The following TMEM178B variants were observed in gnomAD, a reference collection of about 807,000 sequenced individuals.
TMEM178B encodes transmembrane protein 178B.
TMEM178B carries 5 observed loss-of-function variants against 31.0 expected under a neutral mutation model. The observed-to-expected ratio is 0.16, with a 90% CI of 0.08 to 0.34. The LOEUF is 0.34. TMEM178B is among the 10% of genes least tolerant of loss of function. The pLI is 1.00. For missense variants in TMEM178B, 275 were observed against 400.3 expected, an observed-to-expected ratio of 0.69 and a Z score of 2.67; for synonymous variants, 164 against 164.0, an observed-to-expected ratio of 1.00 and a Z score of 0.00.
At chr7:141,197,162 A>C (rs1453967579) in intron 1 of TMEM178B, among the ~76,000 whole-genome samples, 6 of 152,266 alleles carry the variant, frequency 3.9e-5, no homozygotes, top group Non-Finnish European at 8.8e-5. Context: ...TGCTTATGAC[A>C]TACCAGGCAC....
At chr7:141,176,125 A>G (rs981453613) in intron 1 of TMEM178B, among the ~76,000 whole-genome samples, 6 of 152,202 alleles carry the variant, frequency 3.9e-5, no homozygotes, top group African/African-American at 1.2e-4. Flanking sequence ...ATTTTGAGAT[A>G]TGTTCCATCA....
chr7:141,361,262 T>C (rs1008072061), intron 2 of TMEM178B, among the ~76,000 whole-genome samples: 3 of 152,096 alleles, frequency 2.0e-5, no homozygotes, highest in African/African-American at 7.2e-5. Context: ...CCATTTGTCT[T>C]CACCATCCCT....
chr7:141,074,387 T>C lies in TMEM178B; in HGVS notation c.77T>C (p.Ile26Thr). Residue 26 changes from isoleucine (I) to threonine (T), a missense_variant, in exon 1 of 4, where the codon ATC (isoleucine) becomes ACC (threonine). Coordinates refer to ENST00000565468, the MANE Select transcript of TMEM178B (RefSeq NM_001195278.2). The surrounding 1 kb of genome is among the most constrained non-coding windows in gnomAD (Gnocchi z 5.1). The part of the protein sequence containing the change: ...LCALGMLAVA[I>T]CSDHWYETDA... ...GCCCTCGGCATGCTGGCCGTGGCCA[T>C]CTGCTCGGACCACTGGTACGAGACG... 1 of 1,536,142 alleles carries C rather than the reference T, an allele frequency of 6.5e-7. No homozygotes were observed. The highest frequency in any genetic ancestry group is 1.2e-5 in the South Asian group (1 of 84,070).
chr7:141,345,196 C>A (rs1268501597), intron 2 of TMEM178B, among the ~76,000 whole-genome samples: 1 of 152,136 alleles, frequency 6.6e-6, no homozygotes, highest in Admixed American at 6.5e-5. Flanking sequence ...ACGTTTTAAC[C>A]TAACCCTAGT....
chr7:141,100,958 A>G (rs181117464), intron 1 of TMEM178B, among the ~76,000 whole-genome samples: 8 of 152,354 alleles, frequency 5.3e-5, no homozygotes, highest in Admixed American at 3.9e-4. Context: ...TTCTGTAAAG[A>G]AACAGATGCC....
intron 1 of TMEM178B, among the ~76,000 whole-genome samples, chr7:141,202,213 A>G (rs1235426021): frequency 6.6e-6 from 1 of 152,248 alleles, no homozygotes; most frequent in Admixed American, 6.5e-5. Flanking sequence ...CATTTTGACC[A>G]TCAGGACCAC....
chr7:141,262,898 A>G (rs1296599150), intron 2 of TMEM178B, among the ~76,000 whole-genome samples: 1 of 152,184 alleles, frequency 6.6e-6, no homozygotes, highest in Non-Finnish European at 1.5e-5. Flanking sequence ...TTCAGACCCA[A>G]TATAGCATTC....
chr7:141,169,126 C>T (rs372184164), intron 1 of TMEM178B, among the ~76,000 whole-genome samples: 1 of 152,140 alleles, frequency 6.6e-6, no homozygotes, highest in East Asian at 1.9e-4. Context: ...GTTGGTTGTA[C>T]AGATTATTTT....
intron 3 of TMEM178B, among the ~76,000 whole-genome samples, chr7:141,459,285 C>T (rs1015045311): frequency 1.3e-5 from 2 of 152,188 alleles, no homozygotes; most frequent in African/African-American, 4.8e-5. Context: ...GCCTCGGCCT[C>T]CCAAAGTGCT....
the TMEM178B span, among the ~76,000 whole-genome samples, chr7:141,500,598 T>A: frequency 6.6e-6 from 1 of 152,158 alleles, no homozygotes; most frequent in African/African-American, 2.4e-5. Context: ...GGCCGTGTAG[T>A]CCTACGGAAT....
chr7:141,239,650 AG>A (rs995347455), intron 2 of TMEM178B, among the ~76,000 whole-genome samples: 25 of 152,244 alleles, frequency 1.6e-4, no homozygotes, highest in African/African-American at 5.8e-4. Context: ...CACCCACCAC[AG>A]GGGGTGATGA....
intron 1 of TMEM178B, among the ~76,000 whole-genome samples, chr7:141,212,148 G>A (rs1375406295): frequency 2.6e-5 from 4 of 152,080 alleles, no homozygotes; most frequent in African/African-American, 9.7e-5. Flanking sequence ...GAGGATGGAG[G>A]CCCCCACCCA....
intron 2 of TMEM178B, among the ~76,000 whole-genome samples, chr7:141,336,625 A>G (rs1382465581): frequency 6.6e-6 from 1 of 152,020 alleles, no homozygotes; most frequent in East Asian, 1.9e-4. Context: ...GGATGATATC[A>G]ATAGGACGCT....
At chr7:141,291,442 C>T (rs1017330478) in intron 2 of TMEM178B, among the ~76,000 whole-genome samples, 19 of 152,090 alleles carry the variant, frequency 1.2e-4, no homozygotes, top group Non-Finnish European at 7.3e-5. Flanking sequence ...TGGGCAGTAG[C>T]GCGAGGAGTG....
chr7:141,260,425 A>AT (rs1359007919), intron 2 of TMEM178B, among the ~76,000 whole-genome samples: 8 of 151,584 alleles, frequency 5.3e-5, no homozygotes, highest in South Asian at 4.2e-4. Context: ...TTTTTTGACC[A>AT]TTTTTTCCCC....
chr7:141,447,872 G>A (rs1245910372), intron 3 of TMEM178B, among the ~76,000 whole-genome samples: 3 of 152,112 alleles, frequency 2.0e-5, no homozygotes, highest in African/African-American at 4.8e-5. Context: ...TTTCAGGACA[G>A]CAACAGTAGA....
At chr7:141,165,164 A>G (rs1458096241) in intron 1 of TMEM178B, among the ~76,000 whole-genome samples, 1 of 122,046 alleles carries the variant, frequency 8.2e-6, no homozygotes, top group Non-Finnish European at 1.7e-5. Flanking sequence ...TATTTATTAG[A>G]ATTTTGCTTA....
chr7:141,152,755 T>A (rs1280831975), intron 1 of TMEM178B, among the ~76,000 whole-genome samples: 1 of 152,188 alleles, frequency 6.6e-6, no homozygotes, highest in Admixed American at 6.5e-5. Context: ...GGCAGTTAGG[T>A]AGACTCTATT....
At chr7:141,449,656 C>T (rs1801827831) in intron 3 of TMEM178B, among the ~76,000 whole-genome samples, 1 of 152,180 alleles carries the variant, frequency 6.6e-6, no homozygotes, top group Non-Finnish European at 1.5e-5. Context: ...GGGAGGGTGC[C>T]TGGCTCCCTC....
Sources: allele counts gnomAD v4.1 joint callset (sites outside exome capture counted in the v4.1 genomes callset), GRCh38; gene constraint gnomAD v4.1.1; non-coding constraint Gnocchi (gnomAD v3.1); transcripts MANE v1.5; gene names NCBI Gene and HGNC (gene_info 2026-07-23, HGNC 2026-07-21).